LRRK2: variants seen among roughly 807,000 people sequenced by gnomAD.
LRRK2 encodes leucine-rich repeat serine/threonine-protein kinase 2.
In LRRK2, 203 loss-of-function variants were observed where a neutral mutation model predicts 302.6. The observed-to-expected ratio is 0.67, with a 90% CI of 0.60 to 0.75. The LOEUF is 0.75. Ranked by LOEUF, LRRK2 falls within the 30% of genes least tolerant of loss-of-function variation. LRRK2 has a pLI of 0.00. For synonymous variants in LRRK2, 1,066 were observed against 1,031.9 expected, an observed-to-expected ratio of 1.03 and a Z score of -0.63; for missense variants, 2,830 against 2,951.0, an observed-to-expected ratio of 0.96 and a Z score of 0.95.
At chr12:40,319,201 G>A (rs2162469) in intron 33 of LRRK2, among the ~76,000 whole-genome samples, 86,174 of 151,900 alleles carry the variant, frequency 0.57, 24,571 homozygotes, top group South Asian at 0.7. Flanking sequence ...TGTACTTTGC[G>A]TACTTTACAT....
intron 14 of LRRK2, among the ~76,000 whole-genome samples, chr12:40,272,726 C>T (rs996228115): frequency 8.6e-5 from 13 of 151,838 alleles, no homozygotes; most frequent in African/African-American, 2.7e-4. Flanking sequence ...TAGGGGAGTA[C>T]GATGTCATGG....
At chr12:40,289,408 AT>A (rs1944055927) in intron 20 of LRRK2, among the ~76,000 whole-genome samples, 1 of 151,296 alleles carries the variant, frequency 6.6e-6, no homozygotes. Flanking sequence ...TTCCATATAA[AT>A]TTTTAATCAA....
Position 40,232,282 on chromosome 12 carries a change from G to T in LRRK2, c.246G>T (p.Trp82Cys). 6.2e-7 allele frequency: 1 copy of T among 1,613,404 alleles called. No individual in the cohort carries two copies. Among genetic ancestry groups the T allele is most frequent in the South Asian group, 1.1e-5 (1 of 91,070 alleles). ...GTCTTTCTTGTTTTCAGGTGGGTTGGTCACTTCTGTGCAAATTAATAGAAG... is the reference window on the plus strand; with the variant it reads ...GTCTTTCTTGTTTTCAGGTGGGTTGTTCACTTCTGTGCAAATTAATAGAAG... ...MRVASVQQVG[W>C]SLLCKLIEVC... is the part of the protein sequence containing the mutation. The change falls in exon 3 of 51, where the codon TGG becomes TGT. Residue 82 changes from tryptophan to cysteine, a missense_variant. Trp to Cys is a radical substitution (Grantham distance 215). This residue lies in a region of LRRK2 where 2,121 missense variants were observed against 2,148.0 expected (regional missense o/e 0.99). Transcript: ENST00000298910.
intron 25 of LRRK2, chr12:40,301,187 T>A (rs1265010647): frequency 2.2e-6 from 1 of 450,434 alleles, no homozygotes; most frequent in Non-Finnish European, 4.5e-6. Flanking sequence ...AGATGCCCCA[T>A]GGAGGTGACA....
At chr12:40,283,850 A>G (rs1209477248) in intron 18 of LRRK2, 25 bp from the exon 19 acceptor site, 2 of 1,589,302 alleles carry the variant, frequency 1.3e-6, no homozygotes, top group South Asian at 1.1e-5. Flanking sequence ...GATTTTTAAT[A>G]TACTTAATTT....
chr12:40,345,385 G>T (rs1006176207), intron 41 of LRRK2, among the ~76,000 whole-genome samples: 2 of 151,994 alleles, frequency 1.3e-5, no homozygotes, highest in African/African-American at 4.8e-5. Context: ...CACTTTGGGA[G>T]GCCGAGGTGG....
intron 47 of LRRK2, among the ~76,000 whole-genome samples, chr12:40,362,469 T>C (rs950736664): frequency 2.6e-4 from 40 of 152,078 alleles, no homozygotes; most frequent in African/African-American, 9.4e-4. Flanking sequence ...TGCTTATCTG[T>C]GCAACTGTTT....
chr12:40,228,715 T>C (rs1045852238), intron 2 of LRRK2, among the ~76,000 whole-genome samples: 1 of 152,282 alleles, frequency 6.6e-6, no homozygotes, highest in African/African-American at 2.4e-5. Context: ...TTTCTTCTAG[T>C]AGTTGCATAT....
Position 40,320,138 on chromosome 12 carries a change from T to C in LRRK2, c.4978T>C (p.Leu1660=). ...GCTCCTAGAAAAATTCCAGATTGCTTTGCCAATAGGAGAAGAATATTTGCT... is the reference window on the plus strand; with the variant it reads ...GCTCCTAGAAAAATTCCAGATTGCTCTGCCAATAGGAGAAGAATATTTGCT... The part of the protein sequence containing the change: ...FKLLEKFQIA[L]PIGEEYLLVP... Residue 1660 remains leucine, a synonymous_variant, in exon 34 of 51, where the codon TTG becomes CTG. Transcript: ENST00000298910. 6.2e-7 allele frequency: 1 copy of C among 1,612,002 alleles called. No individual in the cohort carries two copies. The highest frequency in any genetic ancestry group is 8.5e-7 in the Non-Finnish European group (1 of 1,178,914).
Position 40,354,438 on chromosome 12 carries a change from A to G in LRRK2, c.6716A>G (p.Glu2239Gly), listed in dbSNP as rs756125214. 14 of 1,614,052 alleles carry G rather than the reference A, an allele frequency of 8.7e-6. No individual in the cohort carries two copies. The highest frequency in any genetic ancestry group is 1.2e-5 in the Non-Finnish European group (14 of 1,180,026). Residue 2239 changes from glutamate to glycine, a missense_variant, in exon 45 of 51, where the codon GAA (glutamate) becomes GGA (glycine). Coordinates refer to ENST00000298910, the MANE Select transcript of LRRK2 (RefSeq NM_198578.4). The stretch of plus-strand genomic sequence containing the variant: ...GATGGGAAAAAGAGACATACCCTAG[A>G]AAAGATGACTGATTCTGTCACTTGT... ...TEDGKKRHTL[E>G]KMTDSVTCLY... is the part of the protein sequence containing the mutation.
At position 40,320,187 on chromosome 12, in the gene LRRK2, C is replaced by T. The variant is rs1453645507; in HGVS notation, c.5015+12C>T. ...CTGGTTCCAAGCAGGTAAAGAAAAC[C>T]TTAAAAAATTAATTGCTACATGGAA... On this transcript the variant is annotated intron_variant, in intron 34 of 50. Transcript: ENST00000298910. 7 of 1,605,630 alleles carry T rather than the reference C, an allele frequency of 4.4e-6. No individual in the cohort carries two copies. Among genetic ancestry groups the T allele is most frequent in the African/African-American group, 1.3e-5 (1 of 74,606 alleles).
intron 11 of LRRK2, among the ~76,000 whole-genome samples, chr12:40,253,394 T>C (rs1031451025): frequency 6.6e-6 from 1 of 152,182 alleles, no homozygotes; most frequent in Admixed American, 6.5e-5. Context: ...TTTAAATTAA[T>C]TTTTGTTTTT....
intron 20 of LRRK2, among the ~76,000 whole-genome samples, chr12:40,292,856 T>C (rs1211617027): frequency 6.6e-6 from 1 of 152,008 alleles, no homozygotes; most frequent in African/African-American, 2.4e-5. Flanking sequence ...TTTATTATTT[T>C]GAAAGTACTG....
intron 25 of LRRK2, among the ~76,000 whole-genome samples, chr12:40,300,379 C>T (rs888055527): frequency 1.3e-5 from 2 of 152,152 alleles, no homozygotes; most frequent in African/African-American, 4.8e-5. Context: ...TGACAATAAA[C>T]AGGAATTCCC....
chr12:40,278,785 T>G (rs1173997281), intron 18 of LRRK2, among the ~76,000 whole-genome samples: 1 of 152,172 alleles, frequency 6.6e-6, no homozygotes, highest in Non-Finnish European at 1.5e-5. Context: ...CTGAACCATG[T>G]AAACATATAT....
At chr12:40,332,126 A>C (rs10878386) in intron 39 of LRRK2, among the ~76,000 whole-genome samples, 2 of 152,172 alleles carry the variant, frequency 1.3e-5, no homozygotes, top group Admixed American at 1.3e-4. Flanking sequence ...CTTTGTGCTA[A>C]TTGGCTTTAG....
rs1282582663 is a variant in LRRK2 at position 40,240,584 on chromosome 12, G to A, written c.673G>A (p.Val225Met). ...AGATGAAGAGGAAATTGTGCTTCAT[G>A]TGCTGCATTGTTTACATTCCCTAGC... Reference protein sequence around the residue: ...FKDEEEIVLHVLHCLHSLAIP... With the variant: ...FKDEEEIVLHMLHCLHSLAIP... The change falls in exon 6 of 51, where the codon GTG becomes ATG. Residue 225 changes from valine (V) to methionine (M), a missense_variant. By Grantham distance (21) the Val-to-Met change is conservative. Around this residue, in one of 3 missense-constraint regions of LRRK2, gnomAD observed 2,121 missense variants for 2,148.0 expected, o/e 0.99. Coordinates refer to ENST00000298910, the MANE Select transcript of LRRK2 (RefSeq NM_198578.4). 4.3e-6 allele frequency: 7 copies of A among 1,613,196 alleles called. No homozygotes were observed. Among genetic ancestry groups the A allele is most frequent in the Non-Finnish European group, 5.9e-6 (7 of 1,179,536 alleles).
At chr12:40,310,051 G>A (rs1944984792) in intron 30 of LRRK2, among the ~76,000 whole-genome samples, 2 of 152,060 alleles carry the variant, frequency 1.3e-5, no homozygotes, top group Non-Finnish European at 2.9e-5. Flanking sequence ...TCACAGATAA[G>A]GAAGAGAAAA....
chr12:40,259,206 G>C (rs1942660158), intron 12 of LRRK2, among the ~76,000 whole-genome samples: 1 of 152,040 alleles, frequency 6.6e-6, no homozygotes, highest in Non-Finnish European at 1.5e-5. Context: ...CCTACCTGCT[G>C]GGATTGTTGT....
Sources: gnomAD v4.1 joint callset for allele counts (sites outside exome capture counted in the v4.1 genomes callset) on GRCh38, gnomAD v4.1.1 for gene constraint, gnomAD v4.1.1 regional missense constraint, MANE v1.5 for transcripts, NCBI Gene and HGNC (gene_info 2026-07-23, HGNC 2026-07-21) for gene names.